The following RIPK1 variants were observed in gnomAD, a reference collection of about 807,000 sequenced individuals.
RIPK1 encodes receptor interacting serine/threonine kinase 1.
In RIPK1, 27 loss-of-function variants were observed where a neutral mutation model predicts 62.4. The observed-to-expected ratio is 0.43, with a 90% CI of 0.32 to 0.60. The LOEUF (loss-of-function observed/expected upper bound fraction) is 0.60, where lower values mean the gene tolerates loss of function less well. Among genes scored for constraint, RIPK1 ranks in the 20% least tolerant of loss-of-function variants. The pLI is 0.07. For synonymous variants in RIPK1, 287 were observed against 303.2 expected (o/e 0.95, Z 0.55); for missense variants, 735 against 831.0 (o/e 0.88, Z 1.42).
intron 4 of RIPK1, 100 bp from the exon 5 acceptor site, chr6:3,082,985 C>A (rs541188654): frequency 1.8e-6 from 2 of 1,139,132 alleles, no homozygotes; most frequent in Non-Finnish European, 2.6e-6. Flanking sequence ...GGAAAATTTA[C>A]CGTACCTTAT....
At position 3,106,002 on chromosome 6, in the gene RIPK1, C is replaced by T. The variant is rs758539471; in HGVS notation, c.1527C>T (p.Asn509=). ...ATAATATCCCAGTGCCTGAGACCAACTATCTAGGAAATACACCCACCATGC... is the reference window on the plus strand; with the variant it reads ...ATAATATCCCAGTGCCTGAGACCAATTATCTAGGAAATACACCCACCATGC... The part of the protein sequence containing the change: ...SLHNIPVPET[N]YLGNTPTMPF... Residue 509 remains asparagine (N), a synonymous_variant, in exon 9 of 11, where the codon AAC becomes AAT. Transcript: ENST00000259808. 1.2e-6 allele frequency: 2 copies of T among 1,613,708 alleles called. No individual in the cohort carries two copies. The highest frequency in any genetic ancestry group is 1.7e-6 in the Non-Finnish European group (2 of 1,179,650).
Position 3,070,814 on chromosome 6 carries a change from T to TTC in RIPK1, c.-61+2153_-61+2154insTC, listed in dbSNP as rs531802262. On this transcript the variant is annotated intron_variant, in intron 1 of 10. Coordinates refer to ENST00000259808, the MANE Select transcript of RIPK1 (RefSeq NM_001354930.2). The stretch of plus-strand genomic sequence containing the variant: ...TATTTAATATAGATGAGTAAGGCTG[T>TTC]AAGGGTGGGTCTTTGCATCTGGATT... 1.5e-4 allele frequency among the ~76,000 whole-genome samples: 23 copies of TTC among 152,330 alleles called. No homozygotes were observed. In the South Asian group the frequency reaches 4.8e-3, roughly 32 times the overall value.
intron 7 of RIPK1, among the ~76,000 whole-genome samples, chr6:3,095,286 AC>A (rs1159007001): frequency 6.6e-6 from 1 of 152,214 alleles, no homozygotes; most frequent in Non-Finnish European, 1.5e-5. Context: ...TATTCCTGTA[AC>A]TATTAAAAGA....
chr6:3,088,544 C>T (rs1214944020), intron 6 of RIPK1: 1 of 152,324 alleles, frequency 6.6e-6, no homozygotes, highest in Non-Finnish European at 1.5e-5. Context: ...CCCTGGCTTC[C>T]TGTTGGGCCT....
intron 3 of RIPK1, among the ~76,000 whole-genome samples, chr6:3,079,618 G>A (rs989667861): frequency 6.6e-6 from 1 of 152,172 alleles, no homozygotes; most frequent in Non-Finnish European, 1.5e-5. Context: ...GAGGGGTGGC[G>A]GGATATGGCT....
chr6:3,067,401 TTTG>T (rs780829011), upstream of RIPK1, among the ~76,000 whole-genome samples: 5 of 152,114 alleles, frequency 3.3e-5, no homozygotes, highest in Admixed American at 2.6e-4. Flanking sequence ...CTCATCAACA[TTTG>T]TTGTTGTCAG....
chr6:3,085,140 A>T, intron 5 of RIPK1, 119 bp from the exon 6 acceptor site: 1 of 1,037,074 alleles, frequency 9.6e-7, no homozygotes, highest in Non-Finnish European at 1.5e-6. Context: ...AGGCCATTCC[A>T]CTCTATGGAA....
chr6:3,094,271 C>T (rs1332578325), intron 7 of RIPK1, among the ~76,000 whole-genome samples: 1 of 152,174 alleles, frequency 6.6e-6, no homozygotes, highest in Non-Finnish European at 1.5e-5. Context: ...ACATACAGAG[C>T]ATTTTCAAAA....
chr6:3,104,606 C>T (rs1266821720), intron 8 of RIPK1, among the ~76,000 whole-genome samples: 2 of 151,958 alleles, frequency 1.3e-5, no homozygotes, highest in African/African-American at 2.4e-5. Flanking sequence ...GAGCAAAGTC[C>T]CTGAGGAGCT....
chr6:3,107,815 C>T (rs1760941934), intron 9 of RIPK1, among the ~76,000 whole-genome samples: 1 of 152,010 alleles, frequency 6.6e-6, no homozygotes, highest in Non-Finnish European at 1.5e-5. Flanking sequence ...GTTCTGGTTC[C>T]TGGTTCTGCC....
At position 3,105,469 on chromosome 6, in the gene RIPK1, C is replaced by T. The variant is rs145417478; in HGVS notation, c.1007-13C>T. 131 of 1,516,694 alleles carry T rather than the reference C, an allele frequency of 8.6e-5. No homozygotes were observed. The African/African-American group carries it at 1.7e-3, about 20-fold the overall frequency. 94.0% of individuals were successfully genotyped at this position (1,516,694 alleles called of 1,614,324 possible). ...TCATGACACCCATTCTAATGTTGAT[C>T]ATTTCTTCTCAGCCACAGAACAGCC... On this transcript the variant is annotated splice_polypyrimidine_tract_variant and intron_variant, in intron 8 of 10. Coordinates refer to ENST00000259808, the MANE Select transcript of RIPK1 (RefSeq NM_001354930.2). The surrounding 1 kb of genome is among the most constrained non-coding windows in gnomAD (Gnocchi z 4.5).
At chr6:3,098,186 A>C (rs1197350112) in intron 7 of RIPK1, among the ~76,000 whole-genome samples, 1 of 152,212 alleles carries the variant, frequency 6.6e-6, no homozygotes, top group Non-Finnish European at 1.5e-5. Flanking sequence ...CCAATAAATA[A>C]ATAAATAAAT....
intron 7 of RIPK1, among the ~76,000 whole-genome samples, chr6:3,095,493 A>G (rs1417266254): frequency 6.6e-6 from 1 of 152,234 alleles, no homozygotes. Flanking sequence ...AATAAGGTAC[A>G]AGAAAGGAAA....
chr6:3,082,082 G>C lies in RIPK1; in HGVS notation c.459+966G>C, dbSNP rs559906600. Among the ~76,000 whole-genome samples the C allele has an allele frequency of 1.8e-4, 28 of 152,186 alleles. 1 individual carries two copies. In the South Asian group the frequency reaches 5.8e-3, roughly 32 times the overall value. Reference sequence around the variant, plus strand: ...TCATTCAAGGGCAGGATTTAGCTAGGGGGAGTGTCATATCTAATTGGCTTC... The same window carrying C: ...TCATTCAAGGGCAGGATTTAGCTAGCGGGAGTGTCATATCTAATTGGCTTC... On this transcript the variant is annotated intron_variant, in intron 4 of 10. Coordinates refer to ENST00000259808, the MANE Select transcript of RIPK1 (RefSeq NM_001354930.2).
In RIPK1 at chr6:3,076,850, C is replaced by G. The variant is rs371348115; in HGVS notation, c.27C>G (p.Val9=). The change falls in exon 2 of 11, where the codon GTC becomes GTG. Residue 9 remains valine, a synonymous_variant. Coordinates refer to ENST00000259808, the MANE Select transcript of RIPK1 (RefSeq NM_001354930.2). The part of the protein sequence containing the change: MQPDMSLN[V]IKMKSSDFLE... ...TGCAACCAGACATGTCCTTGAATGT[C>G]ATTAAGATGAAATCCAGTGACTTCC... 2.0e-5 allele frequency: 33 copies of G among 1,613,008 alleles called. 1 individual carries two copies. The African/African-American group carries it at 3.4e-4, about 16-fold the overall frequency.
At chr6:3,069,623 G>C (rs1343326409) in intron 1 of RIPK1, among the ~76,000 whole-genome samples, 1 of 152,226 alleles carries the variant, frequency 6.6e-6, no homozygotes, top group African/African-American at 2.4e-5. Context: ...AAGGCAGGAA[G>C]TGAACTTTGA....
chr6:3,082,780 T>TA (rs1759463159), intron 4 of RIPK1, among the ~76,000 whole-genome samples: 1 of 152,156 alleles, frequency 6.6e-6, no homozygotes, highest in Non-Finnish European at 1.5e-5. Context: ...TGAGAATAAA[T>TA]ATGTTTGGTT....
Position 3,115,107 on chromosome 6 carries a change from A to AT in RIPK1, c.*1768_*1769insT. 2 of 152,034 alleles carry AT rather than the reference A, an allele frequency of 1.3e-5. No individual in the cohort carries two copies. The highest frequency in any genetic ancestry group is 2.9e-5 in the Non-Finnish European group (2 of 68,006). 9.4% of individuals were successfully genotyped at this position (152,034 alleles called of 1,614,324 possible). On this transcript the variant is annotated 3_prime_UTR_variant, in exon 11 of 11. Coordinates refer to ENST00000259808, the MANE Select transcript of RIPK1 (RefSeq NM_001354930.2). ...GTGTTATCAAATCTCTTAGATTCCA[A>AT]AGAGGTTGAATAATTAATGTTCAAA...
chr6:3,111,104 T>C (rs147162308), intron 10 of RIPK1, 149 bp downstream of exon 10: 12 of 517,888 alleles, frequency 2.3e-5, no homozygotes, highest in African/African-American at 2.1e-4. Context: ...AATTTCCATA[T>C]AATTCCTTTG....
Sources: gnomAD v4.1 joint callset for allele counts (sites outside exome capture counted in the v4.1 genomes callset) on GRCh38, gnomAD v4.1.1 for gene constraint, Gnocchi (gnomAD v3.1) non-coding constraint, MANE v1.5 for transcripts, NCBI Gene and HGNC (gene_info 2026-07-23, HGNC 2026-07-21) for gene names.